The following CMC2 variants were observed in gnomAD, a reference collection of about 807,000 sequenced individuals.
CMC2 encodes C-X9-C motif containing 2, also known as COX assembly mitochondrial protein 2 homolog.
In CMC2, 5 loss-of-function variants were observed where a neutral mutation model predicts 7.5. The observed-to-expected ratio is 0.66, with a 90% CI of 0.35 to 1.40. The LOEUF (loss-of-function observed/expected upper bound fraction) is 1.40, where lower values mean the gene tolerates loss of function less well. Among genes scored for constraint, CMC2 ranks in the 40% most tolerant of loss-of-function variants. The probability of loss-of-function intolerance (pLI) is 0.04; values close to 1 mark genes in which losing one functional copy is unlikely to be tolerated. For missense variants in CMC2, 115 were observed against 92.3 expected, an observed-to-expected ratio of 1.25 and a Z score of -1.01; for synonymous variants, 37 against 31.4, an observed-to-expected ratio of 1.18 and a Z score of -0.60.
chr16:80,996,736 A>T (rs1968448338), intron 2 of CMC2, among the ~76,000 whole-genome samples: 1 of 152,240 alleles, frequency 6.6e-6, no homozygotes, highest in Non-Finnish European at 1.5e-5. Flanking sequence ...CATATAAGGA[A>T]AAGCTAAATA....
chr16:80,998,838 C>T (rs548215065), intron 1 of CMC2: 2 of 152,112 alleles, frequency 1.3e-5, no homozygotes, highest in Non-Finnish European at 2.9e-5. Context: ...CAGAATTAAA[C>T]ACAAAAACCA....
chr16:80,977,393 C>A (rs1293526757), intron 3 of CMC2, among the ~76,000 whole-genome samples: 5 of 152,128 alleles, frequency 3.3e-5, no homozygotes, highest in Admixed American at 6.5e-5. Context: ...TACACCAATC[C>A]AACACACTTT....
rs1175274465 is a variant in CMC2, at chr16:80,968,230, CTTTTTTTTAT to C, written c.*7853_*7862del. 6.6e-6 allele frequency: 1 copy of C among 151,786 alleles called. No individual in the cohort carries two copies. The highest frequency in any genetic ancestry group is 2.4e-5 in the African/African-American group (1 of 41,234). The allele number at this position is 151,786 out of a possible 1,614,324, so 9.4% of individuals were successfully genotyped here. On this transcript the variant is annotated 3_prime_UTR_variant, in exon 4 of 4. Coordinates refer to ENST00000219400, the MANE Select transcript of CMC2 (RefSeq NM_020188.5). ...GGGTGGGGTCTAAAACTCTCCATTT[CTTTTTTTTAT>C]TTTTATTTTTGTAGAGACAGGGTCT... is the stretch of plus-strand genomic sequence containing the variant.
At chr16:80,999,279 C>T (rs1308968951) in intron 1 of CMC2, among the ~76,000 whole-genome samples, 1 of 152,112 alleles carries the variant, frequency 6.6e-6, no homozygotes, top group Non-Finnish European at 1.5e-5. Flanking sequence ...AAGGTTCAAC[C>T]TGAAAGCCAA....
At chr16:80,994,799 A>C (rs1037699358) in intron 2 of CMC2, among the ~76,000 whole-genome samples, 1 of 152,214 alleles carries the variant, frequency 6.6e-6, no homozygotes, top group African/African-American at 2.4e-5. Flanking sequence ...TGACCTAGTC[A>C]TTCCATTCCT....
intron 2 of CMC2, among the ~76,000 whole-genome samples, chr16:80,989,366 G>A (rs1967793726): frequency 6.6e-6 from 1 of 152,048 alleles, no homozygotes; most frequent in Non-Finnish European, 1.5e-5. Flanking sequence ...ATATGAGTTT[G>A]GACTCATGGA....
rs12932621 is a variant in CMC2, at chr16:80,969,215, T to C, written c.*6878A>G. 0.18 allele frequency: 27,276 copies of C among 152,138 alleles called. 2,880 individuals are homozygous for C. The highest frequency in any genetic ancestry group is 0.3 in the African/African-American group (12,590 of 41,458). 9.4% of individuals were successfully genotyped at this position (152,138 alleles called of 1,614,324 possible). ...ACAAAATTAGGTTAAAATGTAACCC[T>C]CATATCCCAAAATACAAATGAGTGA... On this transcript the variant is annotated 3_prime_UTR_variant, in exon 4 of 4. Coordinates refer to ENST00000219400, the MANE Select transcript of CMC2 (RefSeq NM_020188.5).
intron 2 of CMC2, chr16:80,982,929 A>G: frequency 1.1e-5 from 2 of 176,108 alleles, no homozygotes. Context: ...CAAGAAGCAG[A>G]GAAAAGTAAT....
intron 1 of CMC2, among the ~76,000 whole-genome samples, chr16:81,004,409 C>T (rs1969090386): frequency 6.6e-6 from 1 of 152,174 alleles, no homozygotes; most frequent in South Asian, 2.1e-4. Context: ...GGAGCGACCC[C>T]AGGGACTGCC....
chr16:80,983,482 C>T (rs904767908), intron 2 of CMC2: 3 of 152,208 alleles, frequency 2.0e-5, no homozygotes, highest in African/African-American at 7.2e-5. Flanking sequence ...TAACCTAACA[C>T]CCTTTTCTTA....
In CMC2 at chr16:80,975,539, G is replaced by C. The variant is rs1208185933; in HGVS notation, c.*554C>G. On this transcript the variant is annotated 3_prime_UTR_variant, in exon 4 of 4. Transcript: ENST00000219400. ...TGAGGCTGGAGAATCACTTGAATCCGGGAGGTGGAGGTTACAGTAAGCTGA... is the reference window on the plus strand; with the variant it reads ...TGAGGCTGGAGAATCACTTGAATCCCGGAGGTGGAGGTTACAGTAAGCTGA... 6.6e-6 allele frequency: 1 copy of C among 152,114 alleles called. No individual in the cohort carries two copies. The highest frequency in any genetic ancestry group is 1.5e-5 in the Non-Finnish European group (1 of 68,068). 9.4% of individuals were successfully genotyped at this position (152,114 alleles called of 1,614,324 possible).
chr16:80,987,029 G>A (rs1052522578), intron 2 of CMC2, among the ~76,000 whole-genome samples: 3 of 152,208 alleles, frequency 2.0e-5, no homozygotes, highest in Admixed American at 2.0e-4. Flanking sequence ...TGTTTTGAGA[G>A]GGAATCAATT....
intron 3 of CMC2, chr16:80,978,156 T>C (rs932015095): frequency 2.3e-6 from 1 of 430,638 alleles, no homozygotes; most frequent in African/African-American, 2.2e-5. Flanking sequence ...TTAAATTTAC[T>C]CATAAAATTG....
rs571313370 is a variant in CMC2, at chr16:80,997,631, T to C, written c.-35-202A>G. On this transcript the variant is annotated intron_variant, in intron 1 of 3. Transcript: ENST00000219400. ...GATATTCAGCAAGTTATCAGTAGTA[T>C]TTAGAGAACCTACAGGTTCAGGAGA... is the stretch of plus-strand genomic sequence containing the variant. The C allele has an allele frequency of 8.3e-6, 3 of 361,612 alleles. No individual in the cohort carries two copies. In the East Asian group the frequency reaches 1.4e-4, roughly 17 times the overall value. The allele number at this position is 361,612 out of a possible 1,614,324, so 22.4% of individuals were successfully genotyped here. A position where few individuals can be genotyped will look rare whatever the true frequency, so the allele number is the denominator to read the frequency against.
At chr16:81,006,025 G>A (rs1051827085) in intron 1 of CMC2, among the ~76,000 whole-genome samples, 8 of 152,282 alleles carry the variant, frequency 5.3e-5, no homozygotes, top group African/African-American at 1.9e-4. Flanking sequence ...ACATATAAAG[G>A]AGAGGAGATA....
chr16:80,990,687 C>A (rs1263324873), intron 2 of CMC2, among the ~76,000 whole-genome samples: 1 of 152,082 alleles, frequency 6.6e-6, no homozygotes, highest in East Asian at 1.9e-4. Context: ...GAAATATATC[C>A]TGGAAGTCAT....
chr16:80,996,544 G>A (rs142007863), intron 2 of CMC2, among the ~76,000 whole-genome samples: 219 of 152,254 alleles, frequency 1.4e-3, no homozygotes, highest in African/African-American at 5.1e-3. Context: ...AAAAATATCT[G>A]ACTTCACATT....
In CMC2 at chr16:80,976,045, A is replaced by C; in HGVS notation, c.*48T>G. ...ACAGGATTCTTTCAGGTATCAACCC[A>C]GAGTCTTTAGGTCTTCTCTCAGCCA... On this transcript the variant is annotated 3_prime_UTR_variant, in exon 4 of 4. Transcript: ENST00000219400. The C allele has an allele frequency of 9.6e-7, 1 of 1,046,640 alleles. No individual in the cohort carries two copies. The highest frequency in any genetic ancestry group is 1.5e-6 in the Non-Finnish European group (1 of 666,948). 64.8% of individuals were successfully genotyped at this position (1,046,640 alleles called of 1,614,324 possible). A position where few individuals can be genotyped will look rare whatever the true frequency, so the allele number is the denominator to read the frequency against.
At chr16:80,984,459 C>T (rs1967370210) in intron 2 of CMC2, among the ~76,000 whole-genome samples, 1 of 152,178 alleles carries the variant, frequency 6.6e-6, no homozygotes, top group African/African-American at 2.4e-5. Context: ...CAATTCCACA[C>T]TGAATAAGTG....
Sources: allele counts gnomAD v4.1 joint callset (sites outside exome capture counted in the v4.1 genomes callset), GRCh38; gene constraint gnomAD v4.1.1; transcripts MANE v1.5; gene names NCBI Gene and HGNC (gene_info 2026-07-23, HGNC 2026-07-21).